Variants in PELI2 observed in about 807,000 individuals in gnomAD.
The protein encoded by PELI2 is E3 ubiquitin-protein ligase pellino homolog 2.
A neutral mutation model predicts 42.3 loss-of-function variants in PELI2; 23 were observed. That is an observed-to-expected ratio of 0.54 (90% CI 0.39 to 0.77). PELI2 has a LOEUF of 0.77. Ranked by LOEUF, PELI2 falls within the 30% of genes least tolerant of loss-of-function variation. The pLI is 0.00. For missense variants in PELI2, 463 were observed against 553.2 expected (o/e 0.84, Z 1.64); for synonymous variants, 245 against 212.2 (o/e 1.15, Z -1.34).
intron 2 of PELI2, among the ~76,000 whole-genome samples, chr14:56,245,033 G>A (rs564572423): frequency 6.6e-6 from 1 of 152,254 alleles, no homozygotes; most frequent in South Asian, 2.1e-4. Context: ...AACAACTGGA[G>A]GTAAATATAA....
At chr14:56,155,740 C>A (rs1040234596) in intron 1 of PELI2, among the ~76,000 whole-genome samples, 3 of 127,452 alleles carry the variant, frequency 2.4e-5, no homozygotes, top group Non-Finnish European at 5.3e-5. Flanking sequence ...CGCCACCACG[C>A]CCGGCTAATT....
At chr14:56,265,655 G>A (rs956643343) in intron 2 of PELI2, among the ~76,000 whole-genome samples, 9 of 152,030 alleles carry the variant, frequency 5.9e-5, no homozygotes, top group African/African-American at 2.2e-4. Context: ...TTCAGAGAAT[G>A]CAAAGACAAG....
intron 2 of PELI2, among the ~76,000 whole-genome samples, chr14:56,202,437 T>C (rs1886362593): frequency 6.6e-6 from 1 of 152,214 alleles, no homozygotes; most frequent in Non-Finnish European, 1.5e-5. Flanking sequence ...TGACTCATAG[T>C]TACCTGTCAG....
At chr14:56,269,611 T>C (rs1272647189) in intron 2 of PELI2, among the ~76,000 whole-genome samples, 4 of 152,218 alleles carry the variant, frequency 2.6e-5, no homozygotes, top group Non-Finnish European at 5.9e-5. Context: ...CAGTGACCTT[T>C]CTGGGGACAA....
chr14:56,229,913 A>G (rs1453533129), intron 2 of PELI2, among the ~76,000 whole-genome samples: 1 of 152,234 alleles, frequency 6.6e-6, no homozygotes, highest in African/African-American at 2.4e-5. Flanking sequence ...AAATGACTTG[A>G]TGGAGCTGAA....
At chr14:56,168,774 G>A (rs1445119672) in intron 1 of PELI2, among the ~76,000 whole-genome samples, 3 of 152,086 alleles carry the variant, frequency 2.0e-5, no homozygotes, top group African/African-American at 7.2e-5. Context: ...AGCTGGGAAT[G>A]TGCTGAGTCT....
At chr14:56,129,713 C>T (rs892936908) in intron 1 of PELI2, among the ~76,000 whole-genome samples, 2 of 152,206 alleles carry the variant, frequency 1.3e-5, no homozygotes, top group Admixed American at 1.3e-4. Context: ...TTGTTTCAAG[C>T]AGGGATGGAC....
chr14:56,267,341 T>A (rs923188603), intron 2 of PELI2, among the ~76,000 whole-genome samples: 1 of 152,118 alleles, frequency 6.6e-6, no homozygotes. Context: ...GTTGTACTTT[T>A]CAGATTAAGA....
intron 2 of PELI2, among the ~76,000 whole-genome samples, chr14:56,215,360 C>G (rs1886868332): frequency 6.6e-6 from 1 of 152,160 alleles, no homozygotes; most frequent in Non-Finnish European, 1.5e-5. Context: ...AAACATAACA[C>G]ACAGGAAAGC....
At chr14:56,282,563 A>G (rs989897800) in intron 3 of PELI2, among the ~76,000 whole-genome samples, 4 of 152,092 alleles carry the variant, frequency 2.6e-5, no homozygotes, top group Admixed American at 1.3e-4. Flanking sequence ...TTTTGGAACT[A>G]TGCGTATGTG....
At chr14:56,145,276 T>G (rs1191511414) in intron 1 of PELI2, among the ~76,000 whole-genome samples, 1 of 152,074 alleles carries the variant, frequency 6.6e-6, no homozygotes, top group African/African-American at 2.4e-5. Flanking sequence ...CATGAAACAG[T>G]GCTGGGGGAT....
At chr14:56,240,017 G>A (rs1347203252) in intron 2 of PELI2, among the ~76,000 whole-genome samples, 1 of 152,140 alleles carries the variant, frequency 6.6e-6, no homozygotes, top group Non-Finnish European at 1.5e-5. Context: ...AGCCAACAAT[G>A]GCAACAAGTC....
intron 2 of PELI2, among the ~76,000 whole-genome samples, chr14:56,245,557 A>G (rs1888121468): frequency 6.6e-6 from 1 of 152,142 alleles, no homozygotes; most frequent in African/African-American, 2.4e-5. Context: ...TAAGGGTTGG[A>G]GAGTTGTTAT....
At chr14:56,129,741 G>T (rs1883410949) in intron 1 of PELI2, among the ~76,000 whole-genome samples, 1 of 152,220 alleles carries the variant, frequency 6.6e-6, no homozygotes, top group Non-Finnish European at 1.5e-5. Context: ...TCTGCCTTGG[G>T]GTCTTGGCTG....
At chr14:56,275,647 G>A (rs531245903) in intron 2 of PELI2, among the ~76,000 whole-genome samples, 52 of 152,240 alleles carry the variant, frequency 3.4e-4, no homozygotes, top group African/African-American at 1.2e-3. Context: ...GAGCTCAGGT[G>A]GCAATGATAG....
At chr14:56,133,796 T>G (rs1883584012) in intron 1 of PELI2, among the ~76,000 whole-genome samples, 1 of 152,100 alleles carries the variant, frequency 6.6e-6, no homozygotes, top group Non-Finnish European at 1.5e-5. Flanking sequence ...CCTGTAAATG[T>G]CCCCTCCTTC....
rs577265680 is a variant in PELI2, at chr14:56,274,132, G to A, written c.208-5544G>A. Among the ~76,000 whole-genome samples the A allele has an allele frequency of 2.0e-5, 3 of 152,302 alleles. No individual in the cohort carries two copies. In the South Asian group the frequency reaches 6.2e-4, roughly 32 times the overall value. ...ACATTTCCATGCGCTAGCCTCAGAG[G>A]AGAGTGGGAGAGCTAGCGTGGATGT... On this transcript the variant is annotated intron_variant, in intron 2 of 5. Transcript: ENST00000267460.
At position 56,215,718 on chromosome 14, in the gene PELI2, A is replaced by G. The variant is rs115528378; in HGVS notation, c.207+37254A>G. ...TGAGAATCAGAATGAGTCTTGAAGT[A>G]TAGCCCAGTTTTGCAAATCAGATTT... is the stretch of plus-strand genomic sequence containing the variant. On this transcript the variant is annotated intron_variant, in intron 2 of 5. Transcript: ENST00000267460. 1.7e-3 allele frequency among the ~76,000 whole-genome samples: 265 copies of G among 152,352 alleles called. 2 individuals are homozygous for G. Among genetic ancestry groups the G allele is most frequent in the African/African-American group, 5.8e-3 (242 of 41,580 alleles).
intron 1 of PELI2, among the ~76,000 whole-genome samples, chr14:56,161,873 A>C (rs1172461579): frequency 1.3e-5 from 2 of 152,204 alleles, no homozygotes; most frequent in Non-Finnish European, 2.9e-5. Context: ...GCTGCAGGTT[A>C]TCTCTAAAAA....
Sources: allele counts gnomAD v4.1 joint callset (sites outside exome capture counted in the v4.1 genomes callset), GRCh38; gene constraint gnomAD v4.1.1; transcripts MANE v1.5; gene names NCBI Gene and HGNC (gene_info 2026-07-23, HGNC 2026-07-21).